SLC8A1: variants seen among roughly 807,000 people sequenced by gnomAD.
SLC8A1 encodes the protein solute carrier family 8 member A1, also known as sodium/calcium exchanger 1.
Under a neutral mutation model 68.3 loss-of-function variants are expected in SLC8A1, and 18 were observed. The ratio of observed to expected loss-of-function variants is 0.26; its 90% CI spans 0.18 to 0.39. The LOEUF (loss-of-function observed/expected upper bound fraction) is 0.39. Ranked by LOEUF, SLC8A1 falls within the 10% of genes least tolerant of loss-of-function variation. The pLI is 1.00. For missense variants in SLC8A1, 985 were observed against 1,156.7 expected (o/e 0.85, Z 2.15); for synonymous variants, 475 against 415.5 (o/e 1.14, Z -1.74).
At chr2:40,402,895 G>T (rs1280790555) in intron 2 of SLC8A1, among the ~76,000 whole-genome samples, 1 of 152,152 alleles carries the variant, frequency 6.6e-6, no homozygotes, top group East Asian at 1.9e-4. Context: ...ATTGCTATTA[G>T]CTACCAACAC....
intron 2 of SLC8A1, among the ~76,000 whole-genome samples, chr2:40,219,235 A>T (rs949189265): frequency 4.6e-5 from 7 of 152,226 alleles, no homozygotes; most frequent in Admixed American, 3.3e-4. Context: ...AGAACAAGGA[A>T]AAAGGAAAAG....
At chr2:40,444,205 G>A (rs1701023792) in intron 1 of SLC8A1, among the ~76,000 whole-genome samples, 1 of 152,066 alleles carries the variant, frequency 6.6e-6, no homozygotes, top group African/African-American at 2.4e-5. Flanking sequence ...CAGGCACAGT[G>A]ACATATGTCT....
chr2:40,499,148 C>T (rs1013196727), intron 1 of SLC8A1, among the ~76,000 whole-genome samples: 5 of 151,836 alleles, frequency 3.3e-5, no homozygotes, highest in Non-Finnish European at 5.9e-5. Flanking sequence ...TATATATAAT[C>T]GTAAGGACTG....
At chr2:40,303,884 T>C (rs1332624585) in intron 2 of SLC8A1, among the ~76,000 whole-genome samples, 2 of 152,096 alleles carry the variant, frequency 1.3e-5, no homozygotes, top group African/African-American at 2.4e-5. Flanking sequence ...TAAAGGAGCT[T>C]GTGTTTTCCT....
chr2:40,155,274 C>T (rs1318592451), intron 6 of SLC8A1, among the ~76,000 whole-genome samples: 1 of 152,026 alleles, frequency 6.6e-6, no homozygotes, highest in Admixed American at 6.5e-5. Flanking sequence ...GGACTACAGG[C>T]ACCCGCCACC....
At chr2:40,376,454 C>T (rs1354636942) in intron 2 of SLC8A1, among the ~76,000 whole-genome samples, 1 of 152,088 alleles carries the variant, frequency 6.6e-6, no homozygotes, top group African/African-American at 2.4e-5. Context: ...TGTTTACAAA[C>T]AGGCACAAAA....
At chr2:40,338,263 A>C (rs1003977058) in intron 2 of SLC8A1, among the ~76,000 whole-genome samples, 1 of 152,192 alleles carries the variant, frequency 6.6e-6, no homozygotes, top group Non-Finnish European at 1.5e-5. Flanking sequence ...CTGTAAGACA[A>C]GTCTTGACAT....
At chr2:40,392,987 A>G (rs1009959862) in intron 2 of SLC8A1, among the ~76,000 whole-genome samples, 3 of 152,126 alleles carry the variant, frequency 2.0e-5, no homozygotes, top group African/African-American at 7.2e-5. Flanking sequence ...AGGAGTCAGC[A>G]GACAAAAGAG....
chr2:40,202,522 A>C (rs2054579290), intron 2 of SLC8A1, among the ~76,000 whole-genome samples: 1 of 152,044 alleles, frequency 6.6e-6, no homozygotes, highest in Non-Finnish European at 1.5e-5. Flanking sequence ...TCTGAATAGA[A>C]GGGGAAACAA....
intron 2 of SLC8A1, among the ~76,000 whole-genome samples, chr2:40,420,870 T>C (rs1325840564): frequency 1.3e-5 from 2 of 152,180 alleles, no homozygotes; most frequent in African/African-American, 4.8e-5. Context: ...AGTCAAGCAG[T>C]GCTGCTGAAT....
At chr2:40,197,973 G>C (rs1045585802) in intron 2 of SLC8A1, among the ~76,000 whole-genome samples, 1 of 151,904 alleles carries the variant, frequency 6.6e-6, no homozygotes, top group Non-Finnish European at 1.5e-5. Flanking sequence ...TTTAGTTCTG[G>C]CAGCTCCCTA....
intron 1 of SLC8A1, among the ~76,000 whole-genome samples, chr2:40,482,954 CTTTT>C (rs76752710): frequency 2.9e-5 from 4 of 137,832 alleles, no homozygotes; most frequent in Non-Finnish European, 3.1e-5. Context: ...CCACGCCCGG[CTTTT>C]TTTTTTTTTT....
chr2:40,134,071 A>G (rs1417725669), intron 7 of SLC8A1, among the ~76,000 whole-genome samples: 1 of 126,106 alleles, frequency 7.9e-6, no homozygotes, highest in African/African-American at 3.1e-5. Flanking sequence ...AGTATACCTA[A>G]AGTTTTTGTT....
At chr2:40,222,513 A>G (rs910219477) in intron 2 of SLC8A1, among the ~76,000 whole-genome samples, 1 of 152,258 alleles carries the variant, frequency 6.6e-6, no homozygotes, top group Non-Finnish European at 1.5e-5. Context: ...AACAAAAGCC[A>G]AAATTGACAA....
chr2:40,300,416 A>C (rs543527035), intron 2 of SLC8A1, among the ~76,000 whole-genome samples: 9 of 152,244 alleles, frequency 5.9e-5, no homozygotes, highest in South Asian at 4.1e-4. Context: ...TAGAAGTTCG[A>C]GTGTTTAAAA....
At chr2:40,391,193 C>CACACACATGTATATAT (rs758632454) in intron 2 of SLC8A1, among the ~76,000 whole-genome samples, 59 of 150,766 alleles carry the variant, frequency 3.9e-4, no homozygotes, top group Non-Finnish European at 7.5e-4. Context: ...ATATATATTA[C>CACACACATGTATATAT]ACACACACAT....
At chr2:40,472,328 A>G (rs1559754475) in intron 1 of SLC8A1, among the ~76,000 whole-genome samples, 1 of 152,178 alleles carries the variant, frequency 6.6e-6, no homozygotes, top group Non-Finnish European at 1.5e-5. Context: ...GAAACATTCC[A>G]TCTTCCTTAC....
chr2:40,481,541 C>T (rs1353028405), intron 1 of SLC8A1, among the ~76,000 whole-genome samples: 1 of 152,150 alleles, frequency 6.6e-6, no homozygotes, highest in East Asian at 1.9e-4. Context: ...TGTCTGATAA[C>T]TGTTAGATCC....
chr2:40,374,204 A>G (rs1416178496), intron 2 of SLC8A1, among the ~76,000 whole-genome samples: 1 of 152,096 alleles, frequency 6.6e-6, no homozygotes, highest in Non-Finnish European at 1.5e-5. Context: ...GGTGAACAGG[A>G]AAACTTTAAA....
Sources: allele counts gnomAD v4.1 joint callset (sites outside exome capture counted in the v4.1 genomes callset), GRCh38; gene constraint gnomAD v4.1.1; transcripts MANE v1.5; gene names NCBI Gene and HGNC (gene_info 2026-07-23, HGNC 2026-07-21).